SLC68A1: variants seen among roughly 807,000 people sequenced by gnomAD.
SLC68A1 encodes the protein major facilitator superfamily domain containing 13A.
chr10:102,468,666 CAAAAA>C, the SLC68A1 span: 1 of 160,962 alleles, frequency 6.2e-6, no homozygotes, highest in Non-Finnish European at 1.3e-5. Context: ...GACTCTGTCT[CAAAAA>C]AAAAAAAAAG....
chr10:102,475,699 C>T, the SLC68A1 span: 11 of 1,561,262 alleles, frequency 7.0e-6, no homozygotes, highest in Non-Finnish European at 9.6e-6. Context: ...TGACCATGGT[C>T]TTTCTGTGCT....
the SLC68A1 span, chr10:102,473,551 T>G: frequency 5.4e-4 from 846 of 1,575,010 alleles, 1 homozygote; most frequent in Non-Finnish European, 6.9e-4. Context: ...ACAAGGTGGC[T>G]CCCCGTCTTC....
chr10:102,476,575 T>G, the SLC68A1 span: 3 of 985,936 alleles, frequency 3.0e-6, no homozygotes, highest in Admixed American at 6.1e-5. Flanking sequence ...TGGCAGCGGG[T>G]AGCTCCTGGG....
chr10:102,476,352 G>A, the SLC68A1 span: 1 of 320,246 alleles, frequency 3.1e-6, no homozygotes, highest in Non-Finnish European at 4.6e-6. Flanking sequence ...ACAGGCGTGA[G>A]CCACTGTGGC....
chr10:102,476,527 C>A, the SLC68A1 span: 81 of 985,938 alleles, frequency 8.2e-5, no homozygotes, highest in Non-Finnish European at 9.5e-5. Context: ...TACCAGCACC[C>A]TGCTCCACTG....
At chr10:102,471,324 C>T in the SLC68A1 span, 7 of 1,613,962 alleles carry the variant, frequency 4.3e-6, no homozygotes, top group Non-Finnish European at 5.9e-6. Context: ...ACAGCATCAC[C>T]TTGGGCCGGT....
chr10:102,471,486 A>G, the SLC68A1 span: 15 of 1,528,672 alleles, frequency 9.8e-6, no homozygotes, highest in Admixed American at 7.0e-5. Context: ...TTGGCCACGC[A>G]TGGTGGCTCA....
the SLC68A1 span, chr10:102,470,561 C>G: frequency 2.6e-6 from 4 of 1,520,668 alleles, no homozygotes; most frequent in Non-Finnish European, 3.5e-6. Context: ...TGTTGTGAGT[C>G]CCACACCCTG....
chr10:102,473,575 TCCTATGTCGCTC>T, the SLC68A1 span: 1 of 1,606,160 alleles, frequency 6.2e-7, no homozygotes, highest in South Asian at 1.1e-5. Flanking sequence ...CCCAGGCCTC[TCCTATGTCGCTC>T]CCCATCTCAA....
the SLC68A1 span, chr10:102,471,276 G>C: frequency 2.5e-5 from 41 of 1,613,806 alleles, no homozygotes; most frequent in Non-Finnish European, 3.5e-5. Flanking sequence ...CCCATAGCCT[G>C]TGTGGAGAGG....
the SLC68A1 span, chr10:102,469,336 C>A: frequency 1.2e-6 from 1 of 810,076 alleles, no homozygotes; most frequent in Non-Finnish European, 2.0e-6. Context: ...CACCAAGACT[C>A]ATCAAGAAAA....
the SLC68A1 span, among the ~76,000 whole-genome samples, chr10:102,463,407 G>C: frequency 1.3e-5 from 2 of 152,114 alleles, no homozygotes; most frequent in African/African-American, 4.8e-5. Context: ...TCCTGACCTC[G>C]TGATTCGCCC....
At chr10:102,464,367 C>T in the SLC68A1 span, among the ~76,000 whole-genome samples, 5 of 152,076 alleles carry the variant, frequency 3.3e-5, no homozygotes, top group African/African-American at 1.2e-4. Context: ...AGGAAAATTT[C>T]TTGAACCTGG....
chr10:102,467,461 A>T, the SLC68A1 span, among the ~76,000 whole-genome samples: 2 of 152,242 alleles, frequency 1.3e-5, no homozygotes, highest in Non-Finnish European at 2.9e-5. Flanking sequence ...AAAACTTATC[A>T]GCTTGCATGC....
the SLC68A1 span, among the ~76,000 whole-genome samples, chr10:102,463,049 G>T: frequency 8.5e-5 from 13 of 152,246 alleles, no homozygotes; most frequent in South Asian, 2.7e-3. Context: ...CTAGGGCTGA[G>T]GATGTTGTTG....
At chr10:102,473,089 G>A in the SLC68A1 span, 107 of 735,768 alleles carry the variant, frequency 1.5e-4, 1 homozygote, top group Non-Finnish European at 2.5e-4. Flanking sequence ...GCCTCCCAAA[G>A]TACTGGGATT....
chr10:102,476,730 C>T, the SLC68A1 span: 138 of 986,152 alleles, frequency 1.4e-4, no homozygotes, highest in Non-Finnish European at 1.6e-4. Flanking sequence ...AGGGGGCTGC[C>T]CTGTGGTGCA....
At chr10:102,472,075 AC>A in the SLC68A1 span, 74 of 454,492 alleles carry the variant, frequency 1.6e-4, no homozygotes, top group Admixed American at 4.2e-4. Flanking sequence ...AGGTGGAAAG[AC>A]CGCTTGAGCC....
At chr10:102,468,377 C>G in the SLC68A1 span, 1 of 152,300 alleles carries the variant, frequency 6.6e-6, no homozygotes, top group African/African-American at 2.4e-5. Flanking sequence ...CCGTCTAGAC[C>G]ATTAAAGTCA....
Sources: allele counts gnomAD v4.1 joint callset (sites outside exome capture counted in the v4.1 genomes callset), GRCh38; gene constraint gnomAD v4.1.1; transcripts MANE v1.5; gene names NCBI Gene and HGNC (gene_info 2026-07-23, HGNC 2026-07-21).